RGS12: variants seen among roughly 807,000 people sequenced by gnomAD.
RGS12 encodes the protein regulator of G protein signaling 12.
In RGS12, 66 loss-of-function variants were observed where a neutral mutation model predicts 120.1. The observed-to-expected ratio is 0.55, with a 90% confidence interval of 0.45 to 0.67. The LOEUF (loss-of-function observed/expected upper bound fraction) is 0.67, where lower values mean the gene tolerates loss of function less well. Among genes scored for constraint, RGS12 ranks in the 30% least tolerant of loss-of-function variants. The pLI, the probability that RGS12 is intolerant of heterozygous loss-of-function variation, is 0.00. For synonymous variants in RGS12, 827 were observed against 804.7 expected, an observed-to-expected ratio of 1.03 and a Z score of -0.47; for missense variants, 1,859 against 1,957.7, an observed-to-expected ratio of 0.95 and a Z score of 0.95.
At chr4:3,406,010 G>A (rs1577058896) in intron 4 of RGS12, among the ~76,000 whole-genome samples, 2 of 151,744 alleles carry the variant, frequency 1.3e-5, no homozygotes, top group South Asian at 2.1e-4. Context: ...CGTATGTCCC[G>A]GCTCCCCCAT....
In RGS12 at chr4:3,439,779, C is replaced by T. The variant is rs1372877763; in HGVS notation, c.*95C>T. On this transcript the variant is annotated 3_prime_UTR_variant, in exon 18 of 18. Transcript: ENST00000336727. ...CTCAGGGGGGCCACCCTGGCCACCA[C>T]ACCCTCAGGAGCCCAGCCAGGAGGG... 8.1e-7 allele frequency: 1 copy of T among 1,228,372 alleles called. No homozygotes were observed. The highest frequency in any genetic ancestry group is 1.1e-6 in the Non-Finnish European group (1 of 908,406). The allele number at this position is 1,228,372 out of a possible 1,614,324, so 76.1% of individuals were successfully genotyped here. A position where few individuals can be genotyped will look rare whatever the true frequency, so the allele number is the denominator to read the frequency against.
In RGS12 at chr4:3,398,587, G is replaced by A. The variant is rs912629918; in HGVS notation, c.2020+12150G>A. On this transcript the variant is annotated intron_variant, in intron 4 of 17. Transcript: ENST00000336727. ...TAACAATATTAATATCAGACAAAGTGAAAAAGCAATAAAAAGAACAAAAAA... is the reference window on the plus strand; with the variant it reads ...TAACAATATTAATATCAGACAAAGTAAAAAAGCAATAAAAAGAACAAAAAA... Among the ~76,000 whole-genome samples, 8 of 152,064 alleles carry A rather than the reference G, an allele frequency of 5.3e-5. 1 individual carries two copies. Among genetic ancestry groups the A allele is most frequent in the Admixed American group, 5.2e-4 (8 of 15,274 alleles).
At chr4:3,327,807 C>T (rs1332493774) in intron 2 of RGS12, among the ~76,000 whole-genome samples, 1 of 152,188 alleles carries the variant, frequency 6.6e-6, no homozygotes, top group East Asian at 1.9e-4. Flanking sequence ...TTAGTACAAC[C>T]TCCATGGAAA....
chr4:3,342,617 T>C (rs1713356506), intron 2 of RGS12: 1 of 1,314,038 alleles, frequency 7.6e-7, no homozygotes, highest in South Asian at 1.2e-5. Context: ...GCACGTGATT[T>C]CATTTGATCT....
At chr4:3,381,412 A>C (rs1453011945) in intron 3 of RGS12, among the ~76,000 whole-genome samples, 1 of 152,296 alleles carries the variant, frequency 6.6e-6, no homozygotes, top group South Asian at 2.1e-4. Context: ...GCAATTTACT[A>C]TATTAGTCCG....
chr4:3,403,393 G>T (rs967222608), intron 4 of RGS12, among the ~76,000 whole-genome samples: 1 of 152,182 alleles, frequency 6.6e-6, no homozygotes, highest in East Asian at 1.9e-4. Context: ...GTCTGGCTGT[G>T]GGGGCCAGAC....
At chr4:3,373,899 AT>A (rs1717335044) in intron 3 of RGS12, among the ~76,000 whole-genome samples, 1 of 152,188 alleles carries the variant, frequency 6.6e-6, no homozygotes, top group African/African-American at 2.4e-5. Context: ...GTTTTAATAC[AT>A]TTCTATTTTC....
intron 11 of RGS12, 51 bp from the exon 12 acceptor site, chr4:3,422,854 T>TG (rs755811887): frequency 1.6e-5 from 24 of 1,527,208 alleles, no homozygotes; most frequent in Non-Finnish European, 1.9e-5. Flanking sequence ...GGTCTGCGTT[T>TG]GGGGGGCTGC....
intron 2 of RGS12, 60 bp downstream of exon 2, chr4:3,318,111 G>A: frequency 7.6e-7 from 1 of 1,318,438 alleles, no homozygotes; most frequent in South Asian, 1.6e-5. Flanking sequence ...GCAGTCACGG[G>A]GAGGTGACTC....
At position 3,420,657 on chromosome 4, in the gene RGS12, A is replaced by G. The variant is rs760483365; in HGVS notation, c.2777A>G (p.Asn926Ser). 32 of 1,613,504 alleles carry G rather than the reference A, an allele frequency of 2.0e-5. No homozygotes were observed. Among genetic ancestry groups the G allele is most frequent in the South Asian group, 5.5e-5 (5 of 91,088 alleles). Residue 926 changes from asparagine to serine, a missense_variant, in exon 10 of 18, where the codon AAT becomes AGT. Physicochemically the swap from Asn to Ser is conservative, Grantham distance 46. Around this residue, in one of 3 missense-constraint regions of RGS12, gnomAD observed 375 missense variants for 475.0 expected, o/e 0.79. Transcript: ENST00000336727. The stretch of plus-strand genomic sequence containing the variant: ...CCCTGTCAAGACGCCCTGCATGCCA[A>G]TGGAGGCCTGTGTCGCCGAGAGTCG... Reference protein sequence around the residue: ...GDHADDALHANGGLCRRESQG... With the variant: ...GDHADDALHASGGLCRRESQG...
chr4:3,318,899 G>A (rs1724992482), intron 2 of RGS12, among the ~76,000 whole-genome samples: 1 of 152,196 alleles, frequency 6.6e-6, no homozygotes, highest in South Asian at 2.1e-4. Flanking sequence ...AGGTGATGGG[G>A]GTGGGCACTT....
At chr4:3,409,313 C>T (rs995619139) in intron 4 of RGS12, among the ~76,000 whole-genome samples, 1 of 152,242 alleles carries the variant, frequency 6.6e-6, no homozygotes, top group African/African-American at 2.4e-5. Context: ...GCCGAGCACA[C>T]CAGACAGGTC....
At chr4:3,313,188 A>T (rs947143823) in intron 1 of RGS12, 3 of 152,274 alleles carry the variant, frequency 2.0e-5, no homozygotes, top group Admixed American at 2.0e-4. Flanking sequence ...TGCATAGAAG[A>T]CATTGTCCAT....
chr4:3,422,937 G>A lies in RGS12; in HGVS notation c.3066G>A (p.Leu1022=), dbSNP rs1475124924. ...PLVLHQDSSI[L]ESRDLRLEKR... ...TGCTGCACCAAGACAGTAGCATCTT[G>A]GAGTCAAGGGACCTGCGCCTAGAAA... Residue 1022 remains leucine, a synonymous_variant, in exon 12 of 18, where the codon TTG becomes TTA. Coordinates refer to ENST00000336727, the MANE Select transcript of RGS12 (RefSeq NM_001394154.1). 10 of 1,613,382 alleles carry A rather than the reference G, an allele frequency of 6.2e-6. No homozygotes were observed. Among genetic ancestry groups the A allele is most frequent in the Non-Finnish European group, 7.6e-6 (9 of 1,179,996 alleles).
At chr4:3,331,764 G>A (rs928582760) in intron 2 of RGS12, among the ~76,000 whole-genome samples, 1 of 152,222 alleles carries the variant, frequency 6.6e-6, no homozygotes, top group African/African-American at 2.4e-5. Flanking sequence ...CCAGCGAAAG[G>A]AAGGGAGGCA....
At chr4:3,302,906 G>A (rs1482713866) in intron 1 of RGS12, among the ~76,000 whole-genome samples, 1 of 152,194 alleles carries the variant, frequency 6.6e-6, no homozygotes, top group African/African-American at 2.4e-5. Flanking sequence ...GCCCTGCTGT[G>A]CACTGTGGCA....
intron 3 of RGS12, chr4:3,385,398 C>G (rs1718734094): frequency 1.3e-5 from 2 of 153,526 alleles, no homozygotes; most frequent in Admixed American, 6.5e-5. Context: ...CTCACCCCCT[C>G]TCACTTCCTG....
At chr4:3,430,086 A>G (rs1724096973) in intron 16 of RGS12, among the ~76,000 whole-genome samples, 1 of 152,206 alleles carries the variant, frequency 6.6e-6, no homozygotes, top group African/African-American at 2.4e-5. Context: ...AGAGTCCCAC[A>G]GTTTCCTACT....
At chr4:3,312,554 C>T (rs909124926) in intron 1 of RGS12, 13 of 227,472 alleles carry the variant, frequency 5.7e-5, no homozygotes, top group Admixed American at 3.7e-4. Flanking sequence ...TAGACCAAGA[C>T]GGTATGTGCA....
Sources: gnomAD v4.1 joint callset for allele counts (sites outside exome capture counted in the v4.1 genomes callset) on GRCh38, gnomAD v4.1.1 for gene constraint, gnomAD v4.1.1 regional missense constraint, MANE v1.5 for transcripts, NCBI Gene and HGNC (gene_info 2026-07-23, HGNC 2026-07-21) for gene names.